The following NUP210L variants were observed in gnomAD, a reference collection of about 807,000 sequenced individuals.
The protein encoded by NUP210L is nuclear pore membrane glycoprotein 210-like.
In NUP210L, 74 loss-of-function variants were observed where a neutral mutation model predicts 208.5. The ratio of observed to expected loss-of-function variants is 0.35; its 90% CI spans 0.29 to 0.43. The LOEUF (loss-of-function observed/expected upper bound fraction) is 0.43, where lower values mean the gene tolerates loss of function less well. Ranked by LOEUF, NUP210L falls within the 20% of genes least tolerant of loss-of-function variation. The pLI, the probability that NUP210L is intolerant of heterozygous loss-of-function variation, is 1.00. For synonymous variants in NUP210L, 780 were observed against 816.9 expected (o/e 0.95, Z 0.77); for missense variants, 1,843 against 2,289.4 (o/e 0.81, Z 3.98).
intron 27 of NUP210L, among the ~76,000 whole-genome samples, chr1:154,042,222 C>G (rs1571205199): frequency 6.6e-6 from 1 of 151,914 alleles, no homozygotes; most frequent in South Asian, 2.1e-4. Context: ...ACCTCAACCT[C>G]CCTAGAAGCT....
chr1:154,042,334 C>T (rs1299996658), intron 27 of NUP210L, among the ~76,000 whole-genome samples: 1 of 151,854 alleles, frequency 6.6e-6, no homozygotes, highest in African/African-American at 2.4e-5. Context: ...AACTCCTGAG[C>T]TCATGCGATC....
chr1:154,099,376 G>A (rs149868763), intron 14 of NUP210L, among the ~76,000 whole-genome samples: 39 of 152,200 alleles, frequency 2.6e-4, no homozygotes, highest in African/African-American at 8.7e-4. Flanking sequence ...GGTTCCAAAC[G>A]GCTCCACGGA....
chr1:154,018,334 A>G (rs1270956355), intron 33 of NUP210L, among the ~76,000 whole-genome samples: 1 of 151,642 alleles, frequency 6.6e-6, no homozygotes, highest in African/African-American at 2.4e-5. Context: ...TATTCCAATG[A>G]CTCCCAGACT....
intron 12 of NUP210L, among the ~76,000 whole-genome samples, chr1:154,106,089 C>T (rs771924225): frequency 1.6e-4 from 24 of 151,804 alleles, no homozygotes; most frequent in South Asian, 1.0e-3. Flanking sequence ...GGTGAAACCC[C>T]ATCTCTACTA....
chr1:154,065,518 C>G (rs1271777602), intron 17 of NUP210L, among the ~76,000 whole-genome samples: 4 of 152,086 alleles, frequency 2.6e-5, no homozygotes, highest in Non-Finnish European at 5.9e-5. Context: ...GGAAAACTAC[C>G]TTCACATTTT....
At chr1:154,018,215 T>A (rs1300134766) in intron 33 of NUP210L, among the ~76,000 whole-genome samples, 2 of 152,110 alleles carry the variant, frequency 1.3e-5, no homozygotes, top group African/African-American at 4.8e-5. Flanking sequence ...CAGGTGATCC[T>A]CCCACTTTGG....
intron 7 of NUP210L, among the ~76,000 whole-genome samples, chr1:154,131,669 G>A (rs1353422981): frequency 7.9e-5 from 12 of 152,102 alleles, no homozygotes; most frequent in African/African-American, 2.9e-4. Flanking sequence ...AGACCTCCTA[G>A]TTACTACAAC....
At chr1:154,103,890 T>C (rs7521047) in intron 13 of NUP210L, 122 bp downstream of exon 13, 332,410 of 701,206 alleles carry the variant, frequency 0.47, 84,740 homozygotes, top group Non-Finnish European at 0.55. Context: ...TAGACTATAA[T>C]TGGTAGTTTC....
chr1:154,146,360 T>C (rs930026658), intron 2 of NUP210L, among the ~76,000 whole-genome samples: 18 of 152,198 alleles, frequency 1.2e-4, no homozygotes, highest in African/African-American at 4.3e-4. Context: ...TAAGACATCT[T>C]TCTTTCAGAA....
intron 35 of NUP210L, among the ~76,000 whole-genome samples, chr1:154,005,764 C>T (rs1475586580): frequency 6.7e-6 from 1 of 150,024 alleles, no homozygotes; most frequent in East Asian, 2.0e-4. Context: ...GCTCTTGTTG[C>T]CCAGGCTGGA....
exon 1 of NUP210L, chr1:154,154,959 A>C: frequency 6.2e-7 from 1 of 1,614,212 alleles, no homozygotes; most frequent in Non-Finnish European, 8.5e-7. Flanking sequence ...ACGCAAAACC[A>C]GAAACAACAA....
intron 19 of NUP210L, 34 bp from the exon 20 acceptor site, chr1:154,060,675 G>C: frequency 7.0e-7 from 1 of 1,422,626 alleles, no homozygotes; most frequent in Non-Finnish European, 9.9e-7. Context: ...TATTCTGTTT[G>C]CTTCAGTTTA....
At chr1:154,095,940 C>T (rs963793535) in intron 14 of NUP210L, among the ~76,000 whole-genome samples, 1 of 152,206 alleles carries the variant, frequency 6.6e-6, no homozygotes, top group Non-Finnish European at 1.5e-5. Context: ...ATGTCCACAA[C>T]AGTGACTAAT....
At chr1:154,030,391 G>A (rs924866580) in intron 27 of NUP210L, among the ~76,000 whole-genome samples, 9 of 151,976 alleles carry the variant, frequency 5.9e-5, no homozygotes, top group East Asian at 1.9e-4. Context: ...TCGACCTCCC[G>A]GGCTCCAGTG....
chr1:154,028,455 C>T (rs1358777553), intron 28 of NUP210L, among the ~76,000 whole-genome samples: 7 of 151,670 alleles, frequency 4.6e-5, no homozygotes, highest in South Asian at 2.1e-4. Flanking sequence ...GGCATGGTGG[C>T]GCATGCCTGT....
At chr1:154,074,450 T>A (rs1197317449) in intron 16 of NUP210L, among the ~76,000 whole-genome samples, 1 of 152,028 alleles carries the variant, frequency 6.6e-6, no homozygotes, top group Non-Finnish European at 1.5e-5. Flanking sequence ...CTTCCTTCAT[T>A]TTTCTCTTGT....
chr1:154,113,733 C>G, intron 12 of NUP210L, among the ~76,000 whole-genome samples: 1 of 151,440 alleles, frequency 6.6e-6, no homozygotes, highest in Non-Finnish European at 1.5e-5. Flanking sequence ...TGGCACGTGC[C>G]TGTAATTCCA....
intron 33 of NUP210L, among the ~76,000 whole-genome samples, chr1:154,018,121 G>A (rs553166996): frequency 3.3e-5 from 5 of 151,990 alleles, no homozygotes; most frequent in Non-Finnish European, 7.4e-5. Context: ...ACAGATGTGA[G>A]CCACCAGGCC....
chr1:154,073,539 G>A (rs1654874513), intron 16 of NUP210L, among the ~76,000 whole-genome samples: 1 of 151,952 alleles, frequency 6.6e-6, no homozygotes, highest in Admixed American at 6.6e-5. Flanking sequence ...TAAGGGCCAT[G>A]CATCGTGGTT....
Sources: gnomAD v4.1 joint callset for allele counts (sites outside exome capture counted in the v4.1 genomes callset) on GRCh38, gnomAD v4.1.1 for gene constraint, MANE v1.5 for transcripts, NCBI Gene and HGNC (gene_info 2026-07-23, HGNC 2026-07-21) for gene names.